CAMK1D: variants seen among roughly 807,000 people sequenced by gnomAD.
The protein encoded by CAMK1D is calcium/calmodulin-dependent protein kinase type 1D.
Under a neutral mutation model 47.7 loss-of-function variants are expected in CAMK1D, and 9 were observed. That is an observed-to-expected ratio of 0.19 (90% CI 0.11 to 0.33). The LOEUF (loss-of-function observed/expected upper bound fraction) is 0.33. CAMK1D is among the 10% of genes least tolerant of loss of function. CAMK1D has a pLI of 1.00. For synonymous variants in CAMK1D, 184 were observed against 184.9 expected (o/e 0.99, Z 0.04); for missense variants, 291 against 488.7 (o/e 0.60, Z 3.81).
At chr10:12,761,189 G>C (rs1836492560) in intron 4 of CAMK1D, 103 bp downstream of exon 4, 1 of 1,381,166 alleles carries the variant, frequency 7.2e-7, no homozygotes, top group Non-Finnish European at 9.9e-7. Flanking sequence ...CTCTGATGTA[G>C]AGTGGGTGCA....
intron 3 of CAMK1D, among the ~76,000 whole-genome samples, chr10:12,733,458 A>G (rs1834986169): frequency 6.6e-6 from 1 of 152,124 alleles, no homozygotes; most frequent in Non-Finnish European, 1.5e-5. Flanking sequence ...ACAGCAGGAA[A>G]TTTTCAACAC....
chr10:12,791,004 T>TAAA (rs10717134), intron 5 of CAMK1D, among the ~76,000 whole-genome samples, 154 bp from the exon 6 acceptor site: 1 of 148,672 alleles, frequency 6.7e-6, no homozygotes, highest in Non-Finnish European at 1.5e-5. Flanking sequence ...TTCCTTCCTT[T>TAAA]AAAAAAAAAA....
At position 12,744,956 on chromosome 10, in the gene CAMK1D, G is replaced by A. The variant is rs1040825191; in HGVS notation, c.300-15992G>A. 1.1e-4 allele frequency among the ~76,000 whole-genome samples: 16 copies of A among 152,174 alleles called. No homozygotes were observed. In the East Asian group the frequency reaches 1.9e-3, roughly 18 times the overall value. ...TTGAGGCTCTCAGTTCTGTGCCCACGAAACTTCATTCCTTGTGCTCAGGTA... is the reference window on the plus strand; with the variant it reads ...TTGAGGCTCTCAGTTCTGTGCCCACAAAACTTCATTCCTTGTGCTCAGGTA... On this transcript the variant is annotated intron_variant, in intron 3 of 10. Transcript: ENST00000619168.
intron 2 of CAMK1D, among the ~76,000 whole-genome samples, chr10:12,573,912 G>A (rs1210990687): frequency 1.5e-5 from 2 of 132,686 alleles, no homozygotes; most frequent in Non-Finnish European, 3.1e-5. Flanking sequence ...CTGGGCTCAA[G>A]TGATCCTCCT....
intron 1 of CAMK1D, among the ~76,000 whole-genome samples, chr10:12,388,733 T>C (rs1285638985): frequency 6.6e-6 from 1 of 152,176 alleles, no homozygotes; most frequent in Non-Finnish European, 1.5e-5. Flanking sequence ...CGTCATTACC[T>C]GGGGCTAGAG....
At chr10:12,418,508 T>C (rs1839932300) in intron 1 of CAMK1D, among the ~76,000 whole-genome samples, 2 of 152,150 alleles carry the variant, frequency 1.3e-5, no homozygotes, top group South Asian at 4.1e-4. Flanking sequence ...CTGGGGAGGC[T>C]GAGGTGGGAG....
intron 6 of CAMK1D, among the ~76,000 whole-genome samples, chr10:12,810,088 G>A (rs1201231980): frequency 7.0e-6 from 1 of 143,058 alleles, no homozygotes; most frequent in Admixed American, 7.6e-5. Context: ...ATGGGAGGGT[G>A]CAGTGGGCCA....
intron 2 of CAMK1D, among the ~76,000 whole-genome samples, chr10:12,565,472 T>C (rs576106125): frequency 1.3e-5 from 2 of 152,274 alleles, no homozygotes; most frequent in African/African-American, 4.8e-5. Context: ...CAGGCTGGTT[T>C]CGAACTCCTG....
At chr10:12,763,971 T>G (rs1836623475) in intron 4 of CAMK1D, among the ~76,000 whole-genome samples, 1 of 152,144 alleles carries the variant, frequency 6.6e-6, no homozygotes, top group Non-Finnish European at 1.5e-5. Flanking sequence ...AGCCCTCCTG[T>G]TGGGATCGGG....
chr10:12,574,275 C>T (rs757665557), intron 2 of CAMK1D, among the ~76,000 whole-genome samples: 1 of 151,830 alleles, frequency 6.6e-6, no homozygotes, highest in Non-Finnish European at 1.5e-5. Flanking sequence ...TTGCCTCCCT[C>T]CTTCCCTAGG....
At chr10:12,363,521 T>C (rs1185162510) in intron 1 of CAMK1D, among the ~76,000 whole-genome samples, 4 of 152,170 alleles carry the variant, frequency 2.6e-5, no homozygotes, top group Non-Finnish European at 2.9e-5. Flanking sequence ...TCCTCTCTCA[T>C]GTACTTTAAA....
chr10:12,593,861 G>A (rs897762567), intron 2 of CAMK1D, among the ~76,000 whole-genome samples: 2 of 152,152 alleles, frequency 1.3e-5, no homozygotes, highest in Admixed American at 1.3e-4. Context: ...TGCTGGATTG[G>A]AAGTTGCGTT....
intron 3 of CAMK1D, among the ~76,000 whole-genome samples, chr10:12,685,112 C>T (rs1832601811): frequency 6.6e-6 from 1 of 152,164 alleles, no homozygotes; most frequent in Non-Finnish European, 1.5e-5. Flanking sequence ...ACCAGTATGG[C>T]CAACATGGTG....
At chr10:12,392,092 C>T (rs774461001) in intron 1 of CAMK1D, among the ~76,000 whole-genome samples, 4 of 152,026 alleles carry the variant, frequency 2.6e-5, no homozygotes, top group Non-Finnish European at 4.4e-5. Flanking sequence ...CACCTGTGGT[C>T]AGGAGTTCGA....
chr10:12,606,731 A>G (rs1029655009), intron 2 of CAMK1D, among the ~76,000 whole-genome samples: 1 of 152,262 alleles, frequency 6.6e-6, no homozygotes, highest in African/African-American at 2.4e-5. Flanking sequence ...AATCACTCGG[A>G]GATTGCTGGG....
chr10:12,661,941 T>C (rs11257934), intron 2 of CAMK1D, among the ~76,000 whole-genome samples: 2 of 152,212 alleles, frequency 1.3e-5, no homozygotes, highest in African/African-American at 2.4e-5. Flanking sequence ...TATTATGTGG[T>C]GTGTAGAGCT....
rs1321471180 is a variant in CAMK1D, at chr10:12,490,073, CG to C, written c.93-63151del. Among the ~76,000 whole-genome samples, 18 of 152,094 alleles carry C rather than the reference CG, an allele frequency of 1.2e-4. 1 individual carries two copies. Among genetic ancestry groups the C allele is most frequent in the Admixed American group, 2.0e-4 (3 of 15,270 alleles). ...GGAGCAGGGGAGGGCAAGGGTGCCA[CG>C]TGGGTGTGTCTCCAGCCACTGCTGT... On this transcript the variant is annotated intron_variant, in intron 1 of 10. Coordinates refer to ENST00000619168, the MANE Select transcript of CAMK1D (RefSeq NM_153498.4).
intron 1 of CAMK1D, among the ~76,000 whole-genome samples, chr10:12,389,625 C>T (rs918531527): frequency 1.2e-4 from 18 of 152,234 alleles, no homozygotes; most frequent in African/African-American, 4.1e-4. Flanking sequence ...GCTGGAGGGC[C>T]GGTTTTAGTA....
chr10:12,691,409 A>T, intron 3 of CAMK1D, among the ~76,000 whole-genome samples: 2 of 2,152 alleles, frequency 9.3e-4, no homozygotes, highest in East Asian at 0.029. Flanking sequence ...ATATAAATAT[A>T]TATATATATA....
Sources: allele counts gnomAD v4.1 joint callset (sites outside exome capture counted in the v4.1 genomes callset), GRCh38; gene constraint gnomAD v4.1.1; transcripts MANE v1.5; gene names NCBI Gene and HGNC (gene_info 2026-07-23, HGNC 2026-07-21).